The following PARD3 variants were observed in gnomAD, a reference collection of about 807,000 sequenced individuals.
The protein encoded by PARD3 is partitioning defective 3 homolog.
In PARD3, 75 loss-of-function variants were observed where a neutral mutation model predicts 155.4. The ratio of observed to expected loss-of-function variants is 0.48; its 90% CI spans 0.40 to 0.58. The LOEUF (loss-of-function observed/expected upper bound fraction) is 0.58, where lower values mean the gene tolerates loss of function less well. PARD3 is among the 20% of genes least tolerant of loss of function. PARD3 has a pLI of 0.00. For synonymous variants in PARD3, 576 were observed against 610.5 expected (o/e 0.94, Z 0.83); for missense variants, 1,642 against 1,721.7 (o/e 0.95, Z 0.82).
At chr10:34,801,065 G>A (rs184361887) in intron 1 of PARD3, among the ~76,000 whole-genome samples, 7 of 152,284 alleles carry the variant, frequency 4.6e-5, no homozygotes, top group African/African-American at 1.4e-4. Context: ...TAAAACACTT[G>A]AGTATTCTGG....
chr10:34,672,213 T>C (rs2093622771), intron 2 of PARD3, among the ~76,000 whole-genome samples: 1 of 152,190 alleles, frequency 6.6e-6, no homozygotes, highest in African/African-American at 2.4e-5. Context: ...GCCATTAGTA[T>C]TTATGCATAA....
At chr10:34,500,262 T>G (rs1396028213) in intron 3 of PARD3, among the ~76,000 whole-genome samples, 2 of 152,232 alleles carry the variant, frequency 1.3e-5, no homozygotes, top group Admixed American at 6.5e-5. Context: ...AAAAGGGTGC[T>G]ATGCTTAAGA....
intron 1 of PARD3, among the ~76,000 whole-genome samples, chr10:34,707,945 C>CA (rs2094391375): frequency 6.6e-6 from 1 of 152,118 alleles, no homozygotes; most frequent in Admixed American, 6.5e-5. Flanking sequence ...TTTTATGCAA[C>CA]AAACAAAAGA....
At chr10:34,755,554 G>C (rs1836607498) in intron 1 of PARD3, among the ~76,000 whole-genome samples, 1 of 152,152 alleles carries the variant, frequency 6.6e-6, no homozygotes, top group African/African-American at 2.4e-5. Context: ...TATGCTCAGT[G>C]CTACTAGGAT....
At chr10:34,788,795 A>G (rs1212755419) in intron 1 of PARD3, among the ~76,000 whole-genome samples, 1 of 152,116 alleles carries the variant, frequency 6.6e-6, no homozygotes, top group African/African-American at 2.4e-5. Context: ...GGGCCCAGCC[A>G]CTCAACAACG....
At chr10:34,732,488 G>A (rs1176273373) in intron 1 of PARD3, among the ~76,000 whole-genome samples, 1 of 152,174 alleles carries the variant, frequency 6.6e-6, no homozygotes, top group Non-Finnish European at 1.5e-5. Context: ...GAGACCAGGA[G>A]TTTGAGATCA....
intron 2 of PARD3, among the ~76,000 whole-genome samples, chr10:34,658,099 T>C (rs2093226878): frequency 6.6e-6 from 1 of 151,616 alleles, no homozygotes; most frequent in African/African-American, 2.4e-5. Flanking sequence ...TGAGCCGAGA[T>C]TGCGCCACTG....
chr10:34,159,632 T>C (rs1484631613), intron 22 of PARD3, among the ~76,000 whole-genome samples: 2 of 152,196 alleles, frequency 1.3e-5, no homozygotes, highest in Admixed American at 1.3e-4. Flanking sequence ...TTCTCTGAAC[T>C]AAAAGACAGT....
intron 21 of PARD3, among the ~76,000 whole-genome samples, chr10:34,273,073 T>C (rs2133872948): frequency 6.6e-6 from 1 of 152,304 alleles, no homozygotes; most frequent in South Asian, 2.1e-4. Flanking sequence ...TCTTTAAAAA[T>C]TAAACATATA....
chr10:34,389,150 T>C (rs1293890718), intron 7 of PARD3, among the ~76,000 whole-genome samples: 1 of 144,468 alleles, frequency 6.9e-6, no homozygotes, highest in Non-Finnish European at 1.5e-5. Flanking sequence ...ATCCGCTGCA[T>C]ACAAATATCA....
At chr10:34,776,940 G>A (rs1054769225) in intron 1 of PARD3, among the ~76,000 whole-genome samples, 2 of 149,488 alleles carry the variant, frequency 1.3e-5, no homozygotes, top group African/African-American at 2.5e-5. Flanking sequence ...AAGTTCAAGC[G>A]ATTCTCCTGC....
At chr10:34,715,844 T>A (rs978850768) in intron 1 of PARD3, among the ~76,000 whole-genome samples, 1 of 152,206 alleles carries the variant, frequency 6.6e-6, no homozygotes. Flanking sequence ...AGCTCCCTCT[T>A]AAACATAGCC....
intron 2 of PARD3, among the ~76,000 whole-genome samples, chr10:34,658,613 A>AG (rs2093245068): frequency 6.6e-6 from 1 of 152,092 alleles, no homozygotes; most frequent in South Asian, 2.1e-4. Flanking sequence ...AGATGTGGAC[A>AG]GGGGGAAAAA....
intron 3 of PARD3, among the ~76,000 whole-genome samples, chr10:34,501,316 C>T (rs149910880): frequency 3.3e-5 from 5 of 151,996 alleles, no homozygotes; most frequent in Non-Finnish European, 7.4e-5. Flanking sequence ...TGTGTGGCAC[C>T]CCCCTCTGCC....
chr10:34,352,295 CAG>C (rs1276847276), intron 14 of PARD3, among the ~76,000 whole-genome samples: 6 of 152,170 alleles, frequency 3.9e-5, no homozygotes, highest in East Asian at 3.8e-4. Context: ...AAATCTTCAA[CAG>C]AGTGTCAACA....
chr10:34,270,152 T>G (rs894864564), intron 21 of PARD3, among the ~76,000 whole-genome samples: 2 of 151,060 alleles, frequency 1.3e-5, no homozygotes, highest in African/African-American at 2.4e-5. Context: ...TTTTTTTTTT[T>G]TTTTTTGAGA....
chr10:34,305,625 A>C (rs1340715119), intron 20 of PARD3, among the ~76,000 whole-genome samples: 1 of 152,246 alleles, frequency 6.6e-6, no homozygotes, highest in Non-Finnish European at 1.5e-5. Context: ...GGAATTTCCC[A>C]ACATGGAATG....
chr10:34,138,607 A>G (rs1028850970), intron 22 of PARD3, among the ~76,000 whole-genome samples: 5 of 152,320 alleles, frequency 3.3e-5, no homozygotes, highest in Non-Finnish European at 5.9e-5. Flanking sequence ...CAAAAAGGTA[A>G]TCCCTGTTAA....
chr10:34,775,707 CACTT>C (rs1284102093), intron 1 of PARD3, among the ~76,000 whole-genome samples: 1 of 152,168 alleles, frequency 6.6e-6, no homozygotes, highest in East Asian at 1.9e-4. Context: ...GAGAGTTTGT[CACTT>C]ACTGCCTAAA....
Sources: gnomAD v4.1 joint callset for allele counts (sites outside exome capture counted in the v4.1 genomes callset) on GRCh38, gnomAD v4.1.1 for gene constraint, MANE v1.5 for transcripts, NCBI Gene and HGNC (gene_info 2026-07-23, HGNC 2026-07-21) for gene names.